PXDNL: variants seen among roughly 807,000 people sequenced by gnomAD.
PXDNL encodes the protein peroxidasin like.
In PXDNL, 145 loss-of-function variants were observed where a neutral mutation model predicts 150.8. The observed-to-expected ratio is 0.96, with a 90% CI of 0.84 to 1.10. PXDNL has a LOEUF of 1.10. PXDNL is among the 50% of genes least tolerant of loss of function. The probability of loss-of-function intolerance (pLI) is 0.00; values close to 1 mark genes in which losing one functional copy is unlikely to be tolerated. For missense variants in PXDNL, 2,087 were observed against 1,873.9 expected, an observed-to-expected ratio of 1.11 and a Z score of -2.10; for synonymous variants, 757 against 725.7, an observed-to-expected ratio of 1.04 and a Z score of -0.69.
At chr8:51,413,102 G>T in intron 15 of PXDNL, 48 bp downstream of exon 15, 1 of 1,141,902 alleles carries the variant, frequency 8.8e-7, no homozygotes, top group South Asian at 1.3e-5. Context: ...AAACTAAGTA[G>T]AACAGAAATG....
At chr8:51,781,448 G>T (rs1563319707) in intron 1 of PXDNL, among the ~76,000 whole-genome samples, 1 of 152,172 alleles carries the variant, frequency 6.6e-6, no homozygotes, top group Admixed American at 6.5e-5. Flanking sequence ...CATCAGCTGG[G>T]ACTTCACAAT....
chr8:51,769,372 A>G (rs1485532102), intron 1 of PXDNL, among the ~76,000 whole-genome samples: 6 of 152,324 alleles, frequency 3.9e-5, no homozygotes, highest in African/African-American at 1.4e-4. Flanking sequence ...AGCTTGAAGA[A>G]TTCAAATCTC....
At chr8:51,396,010 C>T (rs1808070196) in intron 17 of PXDNL, among the ~76,000 whole-genome samples, 1 of 152,210 alleles carries the variant, frequency 6.6e-6, no homozygotes, top group Admixed American at 6.5e-5. Context: ...TTTATGACTA[C>T]TTACACCTCT....
Position 51,434,131 on chromosome 8 carries a change from T to A in PXDNL, c.1526-7373A>T, listed in dbSNP as rs549501435. On this transcript the variant is annotated intron_variant, in intron 12 of 22. Coordinates refer to ENST00000356297, the MANE Select transcript of PXDNL (RefSeq NM_144651.5). ...TTTTCTGAAAATATCTTTACTTAGC[T>A]CCTATCCATGAAGGAGTTGATGCTT... 2.6e-5 allele frequency among the ~76,000 whole-genome samples: 4 copies of A among 152,330 alleles called. No homozygotes were observed. In the East Asian group the frequency reaches 5.8e-4, roughly 22 times the overall value.
At chr8:51,479,675 C>T (rs1022994871) in intron 6 of PXDNL, among the ~76,000 whole-genome samples, 4 of 151,850 alleles carry the variant, frequency 2.6e-5, no homozygotes, top group East Asian at 3.9e-4. Flanking sequence ...TGCACACGGA[C>T]GTAGGGAGTG....
At chr8:51,706,109 G>A (rs1025841615) in intron 1 of PXDNL, among the ~76,000 whole-genome samples, 6 of 152,122 alleles carry the variant, frequency 3.9e-5, no homozygotes, top group South Asian at 2.1e-4. Flanking sequence ...TCAGGAGTTC[G>A]TGACCAGCCT....
At chr8:51,395,283 G>T (rs1808046976) in intron 17 of PXDNL, among the ~76,000 whole-genome samples, 1 of 152,180 alleles carries the variant, frequency 6.6e-6, no homozygotes, top group Non-Finnish European at 1.5e-5. Context: ...GCTCTCAGAG[G>T]ACTGGGATGG....
chr8:51,739,828 A>T (rs1319420865), intron 1 of PXDNL, among the ~76,000 whole-genome samples: 1 of 151,176 alleles, frequency 6.6e-6, no homozygotes, highest in Non-Finnish European at 1.5e-5. Flanking sequence ...ATGAGCCAAG[A>T]TAGCACCACT....
At chr8:51,565,301 AATAAATAAATAAATAAATAAATAGATAG>A (rs1312334879) in intron 3 of PXDNL, among the ~76,000 whole-genome samples, 1 of 139,866 alleles carries the variant, frequency 7.1e-6, no homozygotes, top group African/African-American at 2.8e-5. Flanking sequence ...TAAATAAATA[AATAAATAAATAAATAAATAAATAGATAG>A]ATAGATAGAT....
intron 1 of PXDNL, among the ~76,000 whole-genome samples, chr8:51,689,450 C>A (rs755440259): frequency 6.6e-6 from 1 of 152,106 alleles, no homozygotes; most frequent in South Asian, 2.1e-4. Flanking sequence ...ATCTTTCTAT[C>A]CTCTTTTGAC....
chr8:51,758,026 TA>T (rs1162263336), intron 1 of PXDNL, among the ~76,000 whole-genome samples: 9 of 149,558 alleles, frequency 6.0e-5, no homozygotes, highest in African/African-American at 2.2e-4. Flanking sequence ...AAAGTTTTTT[TA>T]ATAATATAAA....
chr8:51,735,010 A>G (rs553194514), intron 1 of PXDNL, among the ~76,000 whole-genome samples: 21 of 152,348 alleles, frequency 1.4e-4, no homozygotes, highest in African/African-American at 5.0e-4. Flanking sequence ...TAATAACAAC[A>G]TATATTCTTG....
intron 4 of PXDNL, among the ~76,000 whole-genome samples, chr8:51,520,159 T>C (rs1457774006): frequency 1.3e-5 from 2 of 152,024 alleles, no homozygotes; most frequent in Middle Eastern, 3.2e-3. Context: ...AGGGAAAGAA[T>C]TATCACAGTG....
chr8:51,577,370 C>G (rs963807051), intron 3 of PXDNL, among the ~76,000 whole-genome samples: 3 of 151,174 alleles, frequency 2.0e-5, no homozygotes, highest in African/African-American at 4.9e-5. Flanking sequence ...AATCCACTCT[C>G]TACATATTTA....
rs933553222 is a variant in PXDNL at position 51,339,949 on chromosome 8, T to G, written c.4017-196A>C. The G allele has an allele frequency of 3.6e-5, 17 of 477,544 alleles. No individual in the cohort carries two copies. In the East Asian group the frequency reaches 6.0e-4, roughly 17 times the overall value. The allele number at this position is 477,544 out of a possible 1,614,324, so 29.6% of individuals were successfully genotyped here. A position where few individuals can be genotyped will look rare whatever the true frequency, so the allele number is the denominator to read the frequency against. ...TGGCAGATAAGATGATAATCCAGAG[T>G]GTCACATCTGGTTCATGTAATTTAT... On this transcript the variant is annotated intron_variant, in intron 20 of 22. Transcript: ENST00000356297.
At chr8:51,562,799 G>C (rs1812744418) in intron 3 of PXDNL, among the ~76,000 whole-genome samples, 2 of 151,948 alleles carry the variant, frequency 1.3e-5, no homozygotes. Context: ...GAGGTGCTGA[G>C]ATGGCTGTAA....
intron 1 of PXDNL, among the ~76,000 whole-genome samples, chr8:51,706,907 C>T (rs1043195938): frequency 1.3e-5 from 2 of 150,804 alleles, no homozygotes; most frequent in Non-Finnish European, 2.9e-5. Flanking sequence ...TGGAGGGTCT[C>T]CACATAACTG....
chr8:51,561,146 C>T (rs1315679812), intron 3 of PXDNL, among the ~76,000 whole-genome samples: 4 of 151,896 alleles, frequency 2.6e-5, no homozygotes, highest in African/African-American at 7.2e-5. Context: ...GAATCCTGTA[C>T]ACTGTTGGTA....
chr8:51,426,949 G>A (rs1448472144), intron 12 of PXDNL, among the ~76,000 whole-genome samples, 191 bp from the exon 13 acceptor site: 8 of 152,250 alleles, frequency 5.3e-5, no homozygotes, highest in South Asian at 2.1e-4. Flanking sequence ...AGCAGAGGCC[G>A]GAGCAGGTAT....
Sources: gnomAD v4.1 joint callset for allele counts (sites outside exome capture counted in the v4.1 genomes callset) on GRCh38, gnomAD v4.1.1 for gene constraint, MANE v1.5 for transcripts, NCBI Gene and HGNC (gene_info 2026-07-23, HGNC 2026-07-21) for gene names.